The following COX7B2 variants were observed in gnomAD, a reference collection of about 807,000 sequenced individuals.
The protein encoded by COX7B2 is cytochrome c oxidase subunit 7B2.
For synonymous variants in COX7B2, 37 were observed against 32.1 expected (o/e 1.15, Z -0.51); for missense variants, 109 against 95.9 (o/e 1.14, Z -0.57).
intron 1 of COX7B2, among the ~76,000 whole-genome samples, chr4:46,885,687 G>C (rs191547632): frequency 1.1e-3 from 169 of 152,224 alleles, no homozygotes; most frequent in African/African-American, 3.9e-3. Context: ...AACTGCGCTT[G>C]ATTATTCAGA....
intron 2 of COX7B2, among the ~76,000 whole-genome samples, chr4:46,739,964 TAAC>T (rs1403333525): frequency 6.6e-6 from 1 of 152,072 alleles, no homozygotes; most frequent in Non-Finnish European, 1.5e-5. Flanking sequence ...GCTGTTGAGT[TAAC>T]AATGAGAATT....
chr4:46,875,689 T>G (rs985525189), intron 1 of COX7B2, among the ~76,000 whole-genome samples: 3 of 151,980 alleles, frequency 2.0e-5, no homozygotes, highest in African/African-American at 7.2e-5. Flanking sequence ...TAACGTCCTA[T>G]GACTTCCCAA....
chr4:46,906,350 C>CT (rs1720394110), intron 1 of COX7B2, among the ~76,000 whole-genome samples: 1 of 152,176 alleles, frequency 6.6e-6, no homozygotes, highest in African/African-American at 2.4e-5. Flanking sequence ...CCATGTGCTC[C>CT]TGTCTTTCAT....
chr4:46,848,840 C>T (rs1716471708), intron 1 of COX7B2, among the ~76,000 whole-genome samples: 1 of 151,908 alleles, frequency 6.6e-6, no homozygotes, highest in Non-Finnish European at 1.5e-5. Flanking sequence ...GCATTGGTTC[C>T]AGGACCTCCC....
chr4:46,738,829 A>C (rs1193848401), intron 2 of COX7B2, among the ~76,000 whole-genome samples: 1 of 152,128 alleles, frequency 6.6e-6, no homozygotes, highest in African/African-American at 2.4e-5. Context: ...AACAAAGTAA[A>C]AGTTCCCTCA....
At chr4:46,797,219 G>C (rs1458716625) in intron 2 of COX7B2, among the ~76,000 whole-genome samples, 1 of 149,796 alleles carries the variant, frequency 6.7e-6, no homozygotes, top group African/African-American at 2.5e-5. Context: ...GGGATCTATA[G>C]CCCTTTGCCA....
intron 1 of COX7B2, among the ~76,000 whole-genome samples, chr4:46,860,791 T>A (rs1321560393): frequency 6.6e-6 from 1 of 152,192 alleles, no homozygotes. Flanking sequence ...CAACTTTATT[T>A]GAGCAATTGT....
At chr4:46,804,309 G>T (rs1422427348) in intron 2 of COX7B2, among the ~76,000 whole-genome samples, 1 of 152,156 alleles carries the variant, frequency 6.6e-6, no homozygotes, top group African/African-American at 2.4e-5. Context: ...GGTACGGAAA[G>T]GGACCCTACC....
intron 2 of COX7B2, among the ~76,000 whole-genome samples, chr4:46,806,995 T>A (rs930602913): frequency 4.6e-5 from 7 of 152,064 alleles, no homozygotes; most frequent in African/African-American, 1.7e-4. Flanking sequence ...TGCAGATGTC[T>A]TTTTGAGGTG....
At chr4:46,796,098 G>C (rs1309036854) in intron 2 of COX7B2, among the ~76,000 whole-genome samples, 2 of 95,854 alleles carry the variant, frequency 2.1e-5, no homozygotes, top group Non-Finnish European at 4.0e-5. Context: ...AGGAGATTTT[G>C]GGCTGAGACG....
chr4:46,863,560 T>G (rs1326777220), intron 1 of COX7B2, among the ~76,000 whole-genome samples: 5 of 152,164 alleles, frequency 3.3e-5, no homozygotes, highest in African/African-American at 9.7e-5. Context: ...TACAAGAAAT[T>G]TTTATTTTAA....
intron 2 of COX7B2, among the ~76,000 whole-genome samples, chr4:46,802,162 T>C (rs944398319): frequency 1.3e-5 from 2 of 152,084 alleles, no homozygotes; most frequent in African/African-American, 4.8e-5. Context: ...CAAAAAGTAG[T>C]GTCTAAGGGA....
At chr4:46,880,519 G>C (rs921606313) in intron 1 of COX7B2, among the ~76,000 whole-genome samples, 1 of 149,640 alleles carries the variant, frequency 6.7e-6, no homozygotes, top group African/African-American at 2.5e-5. Context: ...GCTCAGTCTT[G>C]GGAGGGTGCA....
chr4:46,789,760 CTG>C (rs199937140), intron 2 of COX7B2, among the ~76,000 whole-genome samples: 3,261 of 152,196 alleles, frequency 0.021, 77 homozygotes, highest in Admixed American at 0.071. Context: ...TTATTTTCCT[CTG>C]TAAATCCTGA....
intron 1 of COX7B2, among the ~76,000 whole-genome samples, chr4:46,894,179 G>T (rs1246463417): frequency 6.6e-6 from 1 of 152,100 alleles, no homozygotes; most frequent in Non-Finnish European, 1.5e-5. Flanking sequence ...AATTTATATG[G>T]AACCAAAAGA....
At chr4:46,817,957 C>T (rs752664224) in intron 2 of COX7B2, among the ~76,000 whole-genome samples, 1 of 152,170 alleles carries the variant, frequency 6.6e-6, no homozygotes, top group East Asian at 1.9e-4. Flanking sequence ...AGAAAAGGAA[C>T]TGATTAGAAA....
chr4:46,819,605 T>TTGTGGTGGGCCACATTCAAAGC (rs1714130789), intron 2 of COX7B2, among the ~76,000 whole-genome samples: 1 of 152,134 alleles, frequency 6.6e-6, no homozygotes, highest in Non-Finnish European at 1.5e-5. Context: ...GTTTATGAAT[T>TTGTGGTGGGCCACATTCAAAGC]TGTGGTGGGC....
intron 2 of COX7B2, among the ~76,000 whole-genome samples, chr4:46,758,967 G>T (rs1466755321): frequency 1.3e-5 from 2 of 152,064 alleles, no homozygotes; most frequent in Non-Finnish European, 2.9e-5. Context: ...GCCTAAAGGG[G>T]CACTGGTGAA....
intron 2 of COX7B2, among the ~76,000 whole-genome samples, chr4:46,817,652 C>T (rs570709852): frequency 5.9e-5 from 9 of 152,172 alleles, no homozygotes; most frequent in Admixed American, 1.3e-4. Context: ...ATACTCTTCC[C>T]TCTTAAGGAA....
Sources: gnomAD v4.1 joint callset for allele counts (sites outside exome capture counted in the v4.1 genomes callset) on GRCh38, gnomAD v4.1.1 for gene constraint, MANE v1.5 for transcripts, NCBI Gene and HGNC (gene_info 2026-07-23, HGNC 2026-07-21) for gene names.